Variants in FAM149A observed in about 807,000 individuals in gnomAD.
FAM149A encodes family with sequence similarity 149 member A.
In FAM149A, 71 loss-of-function variants were observed where a neutral mutation model predicts 78.2. The observed-to-expected ratio is 0.91, with a 90% CI of 0.75 to 1.11. The LOEUF (loss-of-function observed/expected upper bound fraction) is 1.11, where lower values mean the gene tolerates loss of function less well. Among genes scored for constraint, FAM149A ranks in the 50% least tolerant of loss-of-function variants. The pLI, the probability that FAM149A is intolerant of heterozygous loss-of-function variation, is 0.00. For missense variants in FAM149A, 1,036 were observed against 971.0 expected (o/e 1.07, Z -0.89); for synonymous variants, 446 against 410.5 (o/e 1.09, Z -1.04).
At chr4:186,109,755 G>C (rs1176141302) in intron 1 of FAM149A, 1 of 981,558 alleles carries the variant, frequency 1.0e-6, no homozygotes, top group East Asian at 1.1e-4. Context: ...TCTAGGTGAA[G>C]AAAAAACAGA....
intron 1 of FAM149A, among the ~76,000 whole-genome samples, chr4:186,117,310 A>C (rs749923212): frequency 2.6e-5 from 4 of 152,226 alleles, no homozygotes; most frequent in Non-Finnish European, 5.9e-5. Context: ...ATGAATATCT[A>C]TTCCATCTAA....
Position 186,149,281 on chromosome 4 carries a change from C to T in FAM149A, c.675C>T (p.Thr225=), listed in dbSNP as rs1393846601. Residue 225 remains threonine, a splice_region_variant and synonymous_variant, in exon 2 of 14, where the codon ACC becomes ACT. Transcript: ENST00000389354. Reference sequence around the variant, plus strand: ...TGCAGAAAGCCATTGATAAATATACCTGGTAAGAATTCACCTTGCTTCAGA... The same window carrying T: ...TGCAGAAAGCCATTGATAAATATACTTGGTAAGAATTCACCTTGCTTCAGA... The T allele has an allele frequency of 3.9e-6, 5 of 1,285,836 alleles. No individual in the cohort carries two copies. The highest frequency in any genetic ancestry group is 5.1e-6 in the Non-Finnish European group (5 of 987,922). The allele number at this position is 1,285,836 out of a possible 1,614,324, so 79.7% of individuals were successfully genotyped here.
intron 1 of FAM149A, among the ~76,000 whole-genome samples, chr4:186,121,079 A>T (rs1359630942): frequency 6.6e-6 from 1 of 152,014 alleles, no homozygotes; most frequent in Non-Finnish European, 1.5e-5. Flanking sequence ...AAAATAAAGC[A>T]TTCATTTTTT....
rs1316932163 is a variant in FAM149A at position 186,157,638 on chromosome 4, C to T, written c.1494C>T (p.His498=). The stretch of plus-strand genomic sequence containing the variant: ...CGCACGTCCTCGTTCCACACGCTCA[C>T]GCCGATGGAGCCAGTGGCCCCCCGT... Residue 498 remains histidine, a synonymous_variant, in exon 8 of 14, where the codon CAC becomes CAT. Transcript: ENST00000389354. 13 of 1,613,958 alleles carry T rather than the reference C, an allele frequency of 8.1e-6. No homozygotes were observed. The highest frequency in any genetic ancestry group is 4.4e-5 in the South Asian group (4 of 91,082).
At chr4:186,133,423 T>C (rs1183857816) in intron 1 of FAM149A, 1 of 153,456 alleles carries the variant, frequency 6.5e-6, no homozygotes, top group African/African-American at 2.4e-5. Context: ...TTGACTACTT[T>C]AGGGACCTTA....
At position 186,167,256 on chromosome 4, in the gene FAM149A, T is replaced by G. The variant is rs6818265; in HGVS notation, c.2212T>G (p.Leu738Val). 2.8e-3 allele frequency: 4,479 copies of G among 1,613,108 alleles called. 113 individuals carry two copies. In the African/African-American group the frequency reaches 0.053, roughly 19 times the overall value. ...TCACACATGGACAGGTCAAAGTATT[T>G]TGACAGGTCAGCTTTTCTCCATATG... is the stretch of plus-strand genomic sequence containing the variant. The change falls in exon 13 of 14, where the codon TTG becomes GTG. Residue 738 changes from leucine to valine, a missense_variant. Leu to Val is a conservative substitution (Grantham distance 32). Coordinates refer to ENST00000389354, the MANE Select transcript of FAM149A (RefSeq NM_001367768.3).
chr4:186,113,909 T>G (rs1173397975), intron 1 of FAM149A, among the ~76,000 whole-genome samples: 2 of 152,094 alleles, frequency 1.3e-5, no homozygotes, highest in Non-Finnish European at 2.9e-5. Flanking sequence ...GTCTAATAGG[T>G]CCACTTGGTG....
At chr4:186,118,651 A>G (rs1458757586) in intron 1 of FAM149A, among the ~76,000 whole-genome samples, 1 of 152,228 alleles carries the variant, frequency 6.6e-6, no homozygotes, top group Non-Finnish European at 1.5e-5. Context: ...CAAAACAGCC[A>G]ATGATGACAT....
In FAM149A at chr4:186,169,315, C is replaced by T. The variant is rs116448574; in HGVS notation, c.2218+2053C>T. 1.5e-3 allele frequency: 1,495 copies of T among 985,388 alleles called. 15 individuals carry two copies. The African/African-American group carries it at 0.024, about 16-fold the overall frequency. The allele number at this position is 985,388 out of a possible 1,614,324, so 61.0% of individuals were successfully genotyped here. A position where few individuals can be genotyped will look rare whatever the true frequency, so the allele number is the denominator to read the frequency against. On this transcript the variant is annotated intron_variant, in intron 13 of 13. Transcript: ENST00000389354. ...TCCACCAAGGACAACACAGCCAAGG[C>T]CCCTGATCTCACGACGTAGAGAGAA...
chr4:186,120,848 CTT>C (rs374357159), intron 1 of FAM149A, among the ~76,000 whole-genome samples: 1 of 90,208 alleles, frequency 1.1e-5, no homozygotes, highest in Non-Finnish European at 1.9e-5. Context: ...AAATAATATT[CTT>C]TTTTTTTTTT....
intron 1 of FAM149A, chr4:186,131,856 T>C (rs886985587): frequency 2.0e-6 from 2 of 979,642 alleles, no homozygotes; most frequent in East Asian, 2.3e-4. Context: ...GCATTAAAAT[T>C]AAGAACTTCT....
intron 1 of FAM149A, chr4:186,145,150 G>C (rs1732928274): frequency 1.0e-6 from 1 of 985,426 alleles, no homozygotes; most frequent in East Asian, 1.1e-4. Context: ...CCTTCTGGCC[G>C]CTCTGCAGGC....
chr4:186,105,702 C>G, intron 1 of FAM149A, 60 bp downstream of exon 1: 2 of 1,006,816 alleles, frequency 2.0e-6, no homozygotes, highest in Non-Finnish European at 2.4e-6. Context: ...ACCCCTCCGC[C>G]TGCCGCACTC....
chr4:186,166,082 C>T lies in FAM149A; in HGVS notation c.2010+618C>T, dbSNP rs546051558. Among the ~76,000 whole-genome samples, 8 of 152,260 alleles carry T rather than the reference C, an allele frequency of 5.3e-5. 1 individual carries two copies. Among genetic ancestry groups the T allele is most frequent in the Non-Finnish European group, 8.8e-5 (6 of 68,018 alleles). ...CGCCTCGGCCAGGCAGTCAGGTCTG[C>T]GGGGGGTGTGCTGTGGCCAGCATGC... On this transcript the variant is annotated intron_variant, in intron 11 of 13. Coordinates refer to ENST00000389354, the MANE Select transcript of FAM149A (RefSeq NM_001367768.3).
At chr4:186,138,952 G>T (rs763491283) in intron 1 of FAM149A, among the ~76,000 whole-genome samples, 43 of 152,350 alleles carry the variant, frequency 2.8e-4, no homozygotes, top group Non-Finnish European at 5.7e-4. Flanking sequence ...CCTGGAAGGG[G>T]AGACACACAC....
chr4:186,111,258 T>C (rs1171791274), intron 1 of FAM149A, among the ~76,000 whole-genome samples: 2 of 152,082 alleles, frequency 1.3e-5, no homozygotes. Flanking sequence ...TTTTTTCTTG[T>C]AAATTTGTTG....
rs1459967406 is a variant in FAM149A, at chr4:186,149,809, T to TTGCA, written c.789+107_789+110dup. On this transcript the variant is annotated intron_variant, in intron 3 of 13. Coordinates refer to ENST00000389354, the MANE Select transcript of FAM149A (RefSeq NM_001367768.3). ...TTACCAATTATAAAAGCATGACCTA[T>TTGCA]TGCATACATACATGTACATACATGT... 4 of 725,228 alleles carry TTGCA rather than the reference T, an allele frequency of 5.5e-6. No individual in the cohort carries two copies. The African/African-American group carries it at 7.5e-5, about 14-fold the overall frequency. The allele number at this position is 725,228 out of a possible 1,614,324, so 44.9% of individuals were successfully genotyped here.
At chr4:186,136,593 T>TTG (rs1184022026) in intron 1 of FAM149A, among the ~76,000 whole-genome samples, 1 of 152,266 alleles carries the variant, frequency 6.6e-6, no homozygotes, top group Admixed American at 6.5e-5. Flanking sequence ...GTGGACCTTA[T>TTG]TGATTACCTA....
intron 1 of FAM149A, among the ~76,000 whole-genome samples, chr4:186,128,588 A>G (rs2099319350): frequency 6.6e-6 from 1 of 152,160 alleles, no homozygotes; most frequent in African/African-American, 2.4e-5. Context: ...ATTATGGGGA[A>G]GGGCTGAGCT....
Sources: gnomAD v4.1 joint callset for allele counts (sites outside exome capture counted in the v4.1 genomes callset) on GRCh38, gnomAD v4.1.1 for gene constraint, MANE v1.5 for transcripts, NCBI Gene and HGNC (gene_info 2026-07-23, HGNC 2026-07-21) for gene names.